Variants in RPAP3 observed in about 807,000 individuals in gnomAD.
RPAP3 encodes RNA polymerase II-associated protein 3.
Under a neutral mutation model 88.8 loss-of-function variants are expected in RPAP3, and 58 were observed. The observed-to-expected ratio is 0.65, with a 90% CI of 0.53 to 0.81. The LOEUF is 0.81. Among genes scored for constraint, RPAP3 ranks in the 40% least tolerant of loss-of-function variants. RPAP3 has a pLI of 0.00. For synonymous variants in RPAP3, 255 were observed against 259.9 expected (o/e 0.98, Z 0.18); for missense variants, 751 against 764.3 (o/e 0.98, Z 0.20).
At position 47,678,274 on chromosome 12, in the gene RPAP3, T is replaced by A. The variant is rs186700531; in HGVS notation, c.1287+1219A>T. Among the ~76,000 whole-genome samples, 832 of 152,248 alleles carry A rather than the reference T, an allele frequency of 5.5e-3. 8 individuals carry two copies. The highest frequency in any genetic ancestry group is 0.019 in the African/African-American group (772 of 41,550). The stretch of plus-strand genomic sequence containing the variant: ...CAAGATGGATTAAAGACTTAAATGT[T>A]AGACCTAAAACCATAAAAACCCTAC... On this transcript the variant is annotated intron_variant, in intron 12 of 16. Coordinates refer to ENST00000005386, the MANE Select transcript of RPAP3 (RefSeq NM_024604.3).
intron 15 of RPAP3, among the ~76,000 whole-genome samples, 199 bp downstream of exon 15, chr12:47,667,555 A>C: frequency 6.6e-6 from 1 of 152,190 alleles, no homozygotes; most frequent in East Asian, 1.9e-4. Context: ...ACTTAACATC[A>C]TCAATAGGTT....
rs1320515005 is a variant in RPAP3, at chr12:47,661,288, T to A, written c.*2217A>T. On this transcript the variant is annotated 3_prime_UTR_variant, in exon 17 of 17. Transcript: ENST00000005386. ...AATGACTTTATTAACCACTATGCTA[T>A]TTTGCAATAAGGCAACAATATGACA... 1 of 152,194 alleles carries A rather than the reference T, an allele frequency of 6.6e-6. No individual in the cohort carries two copies. Among genetic ancestry groups the A allele is most frequent in the African/African-American group, 2.4e-5 (1 of 41,458 alleles). 9.4% of individuals were successfully genotyped at this position (152,194 alleles called of 1,614,324 possible).
intron 1 of RPAP3, among the ~76,000 whole-genome samples, chr12:47,705,629 G>A (rs1303433880): frequency 6.6e-6 from 1 of 152,202 alleles, no homozygotes; most frequent in Non-Finnish European, 1.5e-5. Flanking sequence ...GCACACCCAC[G>A]CCGCAAGGGG....
intron 10 of RPAP3, among the ~76,000 whole-genome samples, chr12:47,680,488 C>T (rs949872843): frequency 8.6e-5 from 13 of 151,642 alleles, no homozygotes; most frequent in Non-Finnish European, 1.3e-4. Context: ...ATAAAAAAAA[C>T]ACTGCTGTAG....
intron 10 of RPAP3, among the ~76,000 whole-genome samples, chr12:47,680,560 T>A (rs930537376): frequency 6.6e-6 from 1 of 151,938 alleles, no homozygotes; most frequent in Non-Finnish European, 1.5e-5. Flanking sequence ...GAACAGAGGC[T>A]GAAAATCAAT....
chr12:47,667,825 C>A lies in RPAP3; in HGVS notation c.1740G>T (p.Lys580Asn). The change falls in exon 15 of 17, where the codon AAG becomes AAT. Residue 580 changes from lysine to asparagine, a missense_variant. Coordinates refer to ENST00000005386, the MANE Select transcript of RPAP3 (RefSeq NM_024604.3). ...CTGGATCCAGATTTTTCTGAAACAA[C>A]TTAGGATACAAAGATGGTTCAATTT... is the stretch of plus-strand genomic sequence containing the variant. ...LKQIEPSLYPKLFQKNLDPDV... is the reference protein window; with the variant it reads ...LKQIEPSLYPNLFQKNLDPDV... The A allele has an allele frequency of 6.2e-7, 1 of 1,601,688 alleles. No homozygotes were observed. The highest frequency in any genetic ancestry group is 8.5e-7 in the Non-Finnish European group (1 of 1,172,620).
At position 47,667,830 on chromosome 12, in the gene RPAP3, G is replaced by A; in HGVS notation, c.1735C>T (p.Pro579Ser). ...YLKQIEPSLY[P>S]KLFQKNLDPD... ...TCCAGATTTTTCTGAAACAACTTAG[G>A]ATACAAAGATGGTTCAATTTGCTTG... is the stretch of plus-strand genomic sequence containing the variant. The change falls in exon 15 of 17, where the codon CCT (proline) becomes TCT (serine). Residue 579 changes from proline (P) to serine (S), a missense_variant. By Grantham distance (74) the Pro-to-Ser change is moderately conservative. Transcript: ENST00000005386. 1.3e-6 allele frequency: 2 copies of A among 1,596,380 alleles called. No homozygotes were observed. The highest frequency in any genetic ancestry group is 8.6e-7 in the Non-Finnish European group (1 of 1,168,924).
At chr12:47,684,494 A>C (rs962639829) in intron 9 of RPAP3, among the ~76,000 whole-genome samples, 1 of 152,224 alleles carries the variant, frequency 6.6e-6, no homozygotes, top group East Asian at 1.9e-4. Flanking sequence ...TCCGTAATAC[A>C]TAACAACAGT....
intron 8 of RPAP3, 29 bp from the exon 9 acceptor site, chr12:47,686,936 T>TAA: frequency 1.6e-5 from 21 of 1,337,080 alleles, no homozygotes; most frequent in South Asian, 8.8e-5. Flanking sequence ...ATATGGAGAA[T>TAA]AAAAAAAAAA....
chr12:47,667,580 C>A (rs1197233136), intron 15 of RPAP3, among the ~76,000 whole-genome samples, 174 bp downstream of exon 15: 1 of 152,072 alleles, frequency 6.6e-6, no homozygotes, highest in Non-Finnish European at 1.5e-5. Flanking sequence ...AAAACTGTGA[C>A]TTTATGTAAA....
intron 16 of RPAP3, among the ~76,000 whole-genome samples, chr12:47,664,376 C>A (rs929714013): frequency 6.6e-6 from 1 of 151,862 alleles, no homozygotes; most frequent in African/African-American, 2.4e-5. Flanking sequence ...GGCGACAGAG[C>A]GAGACTCCAT....
At chr12:47,696,115 A>G in intron 5 of RPAP3, 161 bp downstream of exon 5, 1 of 547,426 alleles carries the variant, frequency 1.8e-6, no homozygotes, top group Non-Finnish European at 2.8e-6. Flanking sequence ...CTTAAACAAA[A>G]TAATTCAATA....
rs1044795496 is a variant in RPAP3, at chr12:47,702,743, T to C, written c.98A>G (p.Lys33Arg). Residue 33 changes from lysine (K) to arginine (R), a missense_variant, in exon 2 of 17, where the codon AAA becomes AGA. By Grantham distance (26) the Lys-to-Arg change is conservative. Transcript: ENST00000005386. Reference protein sequence around the residue: ...DFMRDLENWEKDIKQKDMELR... With the variant: ...DFMRDLENWERDIKQKDMELR... ...TTCCATATCCTTTTGTTTAATGTCT[T>C]TTTCCCAGTTTTCTAAATCCCGCAT... 8.1e-6 allele frequency: 13 copies of C among 1,613,014 alleles called. No homozygotes were observed. The African/African-American group carries it at 9.3e-5, about 12-fold the overall frequency.
At chr12:47,690,113 T>C (rs1939401568) in intron 6 of RPAP3, among the ~76,000 whole-genome samples, 1 of 152,094 alleles carries the variant, frequency 6.6e-6, no homozygotes, top group South Asian at 2.1e-4. Flanking sequence ...TTATTCAGAT[T>C]TTGTGATTTG....
At position 47,663,562 on chromosome 12, in the gene RPAP3, G is replaced by C; in HGVS notation, c.1941C>G (p.Asp647Glu). The change falls in exon 17 of 17, where the codon GAC becomes GAG. Residue 647 changes from aspartate to glutamate, a missense_variant. Physicochemically the swap from Asp to Glu is conservative, Grantham distance 45 (BLOSUM62 2). Transcript: ENST00000005386. ...CAGAACTATCCTTCAATCCTGACTT[G>C]TCTATGTGATTAAATAATGCACGTG... ...KIARALFNHI[D>E]KSGLKDSSVE... 6.3e-7 allele frequency: 1 copy of C among 1,583,168 alleles called. No homozygotes were observed. The highest frequency in any genetic ancestry group is 2.3e-5 in the East Asian group (1 of 43,552).
chr12:47,702,968 C>T (rs770869895), intron 1 of RPAP3, 122 bp from the exon 2 acceptor site: 41 of 501,118 alleles, frequency 8.2e-5, no homozygotes, highest in Non-Finnish European at 1.3e-4. Flanking sequence ...CAGAAGACAG[C>T]CAACTGATGC....
At chr12:47,671,446 T>G (rs999776830) in intron 12 of RPAP3, among the ~76,000 whole-genome samples, 1 of 152,208 alleles carries the variant, frequency 6.6e-6, no homozygotes, top group Non-Finnish European at 1.5e-5. Flanking sequence ...TAAGCACTTC[T>G]TCTTCTGCAA....
chr12:47,694,615 T>C (rs1422417400), intron 5 of RPAP3, among the ~76,000 whole-genome samples: 1 of 146,228 alleles, frequency 6.8e-6, no homozygotes, highest in East Asian at 2.0e-4. Context: ...AGATTAGTTA[T>C]CCAGAATAAA....
chr12:47,663,627 T>C (rs770996586), intron 16 of RPAP3, 37 bp from the exon 17 acceptor site: 1 of 1,324,614 alleles, frequency 7.5e-7, no homozygotes, highest in Non-Finnish European at 1.0e-6. Context: ...TTTAATCTCA[T>C]TTTTTAAAAA....
Sources: allele counts gnomAD v4.1 joint callset (sites outside exome capture counted in the v4.1 genomes callset), GRCh38; gene constraint gnomAD v4.1.1; transcripts MANE v1.5; gene names NCBI Gene and HGNC (gene_info 2026-07-23, HGNC 2026-07-21).